Variants in MED8 observed in about 807,000 individuals in gnomAD.
MED8 encodes the protein mediator complex subunit 8.
Under a neutral mutation model 34.8 loss-of-function variants are expected in MED8, and 22 were observed. The observed-to-expected ratio is 0.63, with a 90% CI of 0.45 to 0.90. The LOEUF (loss-of-function observed/expected upper bound fraction) is 0.90, where lower values mean the gene tolerates loss of function less well. Among genes scored for constraint, MED8 ranks in the 40% least tolerant of loss-of-function variants. The pLI, the probability that MED8 is intolerant of heterozygous loss-of-function variation, is 0.00. For missense variants in MED8, 260 were observed against 326.3 expected, an observed-to-expected ratio of 0.80 and a Z score of 1.57; for synonymous variants, 105 against 120.2, an observed-to-expected ratio of 0.87 and a Z score of 0.83.
chr1:43,387,346 C>CT (rs1379118751), intron 3 of MED8, among the ~76,000 whole-genome samples, 157 bp downstream of exon 3: 1 of 152,188 alleles, frequency 6.6e-6, no homozygotes, highest in African/African-American at 2.4e-5. Flanking sequence ...GTTATTACAG[C>CT]ACTATTTGGG....
rs780318306 is a variant in MED8 at position 43,389,781 on chromosome 1, G to A, written c.-17C>T. 4 of 1,608,892 alleles carry A rather than the reference G, an allele frequency of 2.5e-6. No homozygotes were observed. Among genetic ancestry groups the A allele is most frequent in the African/African-American group, 2.7e-5 (2 of 74,470 alleles). The stretch of plus-strand genomic sequence containing the variant: ...CACCTGCATTGCGGCGGCCGAGGCG[G>A]CTGCCACGATTTCACTTCCGGTTTT... On this transcript the variant is annotated 5_prime_UTR_variant, in exon 1 of 7. Transcript: ENST00000372457.
At position 43,384,653 on chromosome 1, in the gene MED8, A is replaced by G. The variant is rs1309802267; in HGVS notation, c.*389T>C. 12 of 1,479,160 alleles carry G rather than the reference A, an allele frequency of 8.1e-6. 1 individual carries two copies. In the South Asian group the frequency reaches 1.4e-4, roughly 17 times the overall value. 91.6% of individuals were successfully genotyped at this position (1,479,160 alleles called of 1,614,324 possible). A position where few individuals can be genotyped will look rare whatever the true frequency, so the allele number is the denominator to read the frequency against. ...TTGATCTTGTGTCCATCAGCTCACC[A>G]TTGACGTGAGGCAGTATCAGATTAG... On this transcript the variant is annotated 3_prime_UTR_variant, in exon 7 of 7. Coordinates refer to ENST00000372457, the MANE Select transcript of MED8 (RefSeq NM_201542.5).
Position 43,386,002 on chromosome 1 carries a change from G to A in MED8, c.718C>T (p.Gln240Ter), listed in dbSNP as rs765307313. 1 of 1,613,932 alleles carries A rather than the reference G, an allele frequency of 6.2e-7. No homozygotes were observed. The highest frequency in any genetic ancestry group is 1.6e-4 in the Middle Eastern group (1 of 6,062). ...CCTGGTTGACCTGCCTGAGCCATTT[G>A]TACCCCACTGAGCATTGGCTGCTGC... is the stretch of plus-strand genomic sequence containing the variant. ...SQQQPMLSGV[Q>*]MAQAGQPGKM... Residue 240 changes from glutamine to a stop codon, truncating the protein, a stop_gained, in exon 6 of 7, where the codon CAA (glutamine) becomes TAA (stop). Transcript: ENST00000372457. LOFTEE classifies it high-confidence loss of function. The surrounding 1 kb of genome is among the most constrained non-coding windows in gnomAD (Gnocchi z 4.9).
At position 43,386,372 on chromosome 1, in the gene MED8, G is replaced by A; in HGVS notation, c.494-146C>T. 1.8e-6 allele frequency: 2 copies of A among 1,138,456 alleles called. No individual in the cohort carries two copies. Among genetic ancestry groups the A allele is most frequent in the Non-Finnish European group, 1.2e-6 (1 of 821,842 alleles). 70.5% of individuals were successfully genotyped at this position (1,138,456 alleles called of 1,614,324 possible). On this transcript the variant is annotated intron_variant, in intron 5 of 6. Transcript: ENST00000372457. This position sits in a 1 kb window ranked among gnomAD's most constrained non-coding sequence, Gnocchi z 4.9. ...CTCACAGCCCAGAAAAAGAGCCAGA[G>A]GACCCCCAAGCCTATCTCAGAATTC...
intron 2 of MED8, 40 bp downstream of exon 2, chr1:43,388,270 C>A (rs755940909): frequency 2.3e-5 from 36 of 1,595,838 alleles, no homozygotes; most frequent in South Asian, 5.5e-5. Context: ...TAGGCCCCCC[C>A]ACCCATAAGC....
intron 6 of MED8, chr1:43,385,355 G>A: frequency 2.2e-6 from 1 of 462,194 alleles, no homozygotes. Context: ...AGCTAAACCT[G>A]TGTGACTCCC....
Position 43,389,304 on chromosome 1 carries a change from A to C in MED8, c.6+455T>G, listed in dbSNP as rs112136775. 4.9e-3 allele frequency: 852 copies of C among 175,532 alleles called. 8 individuals carry two copies. Among genetic ancestry groups the C allele is most frequent in the African/African-American group, 0.019 (810 of 42,448 alleles). 10.9% of individuals were successfully genotyped at this position (175,532 alleles called of 1,614,324 possible). Reference sequence around the variant, plus strand: ...GGGTTCCACCATGGCCTCTGATTATAAGCTGCTTAGCTTTCAGCCATCGCG... The same window carrying C: ...GGGTTCCACCATGGCCTCTGATTATCAGCTGCTTAGCTTTCAGCCATCGCG... On this transcript the variant is annotated intron_variant, in intron 1 of 6. Coordinates refer to ENST00000372457, the MANE Select transcript of MED8 (RefSeq NM_201542.5).
Position 43,386,715 on chromosome 1 carries a change from G to C in MED8, c.412-45C>G, listed in dbSNP as rs140179951. 2 of 1,592,178 alleles carry C rather than the reference G, an allele frequency of 1.3e-6. No individual in the cohort carries two copies. The highest frequency in any genetic ancestry group is 1.1e-5 in the South Asian group (1 of 88,822). On this transcript the variant is annotated intron_variant, in intron 4 of 6. Coordinates refer to ENST00000372457, the MANE Select transcript of MED8 (RefSeq NM_201542.5). The surrounding 1 kb of genome is among the most constrained non-coding windows in gnomAD (Gnocchi z 4.9). ...GCAGAGATTAGGGTAACTAGGAAAC[G>C]ATATGGAGAAATTTATTCCTTGGGT...
rs944868358 is a variant in MED8, at chr1:43,384,574, A to G, written c.*468T>C. 5 of 1,589,746 alleles carry G rather than the reference A, an allele frequency of 3.1e-6. No homozygotes were observed. The highest frequency in any genetic ancestry group is 4.3e-6 in the Non-Finnish European group (5 of 1,169,180). On this transcript the variant is annotated 3_prime_UTR_variant, in exon 7 of 7. Transcript: ENST00000372457. ...GGGCCTGCAAAAACAGTGTGCCTCT[A>G]AGAACACAGAGGTTGCTACAGTTTC...
In MED8 at chr1:43,384,279, T is replaced by C. The variant is rs776128755; in HGVS notation, c.*763A>G. On this transcript the variant is annotated 3_prime_UTR_variant, in exon 7 of 7. Coordinates refer to ENST00000372457, the MANE Select transcript of MED8 (RefSeq NM_201542.5). The stretch of plus-strand genomic sequence containing the variant: ...ACATGAATCCAGGGGAAGGGGCTTT[T>C]TCGTGTGCTAAGGAAAAACCCTTTC... 5.3e-6 allele frequency: 4 copies of C among 748,474 alleles called. No individual in the cohort carries two copies. The highest frequency in any genetic ancestry group is 6.4e-5 in the East Asian group (2 of 31,452). 46.4% of individuals were successfully genotyped at this position (748,474 alleles called of 1,614,324 possible).
chr1:43,386,693 G>A lies in MED8; in HGVS notation c.412-23C>T, dbSNP rs530066503. 33 of 1,603,370 alleles carry A rather than the reference G, an allele frequency of 2.1e-5. No individual in the cohort carries two copies. In the African/African-American group the frequency reaches 2.4e-4, roughly 12 times the overall value. On this transcript the variant is annotated intron_variant, in intron 4 of 6. Transcript: ENST00000372457. The surrounding 1 kb of genome is among the most constrained non-coding windows in gnomAD (Gnocchi z 4.9). ...CTTCTGTAACACACAAATTTGTGCA[G>A]AGATTAGGGTAACTAGGAAACGATA...
chr1:43,388,270 C>G (rs755940909), intron 2 of MED8, 40 bp downstream of exon 2: 10 of 1,595,838 alleles, frequency 6.3e-6, no homozygotes, highest in South Asian at 3.3e-5. Flanking sequence ...TAGGCCCCCC[C>G]ACCCATAAGC....
intron 6 of MED8, chr1:43,385,729 C>G (rs979630679): frequency 3.7e-6 from 2 of 539,130 alleles, no homozygotes; most frequent in South Asian, 2.1e-5. Flanking sequence ...ATAGTTGACA[C>G]AGAGATGTGA....
In MED8 at chr1:43,389,791, T is replaced by C. The variant is rs1432665310; in HGVS notation, c.-27A>G. ...GCGGCGGCCGAGGCGGCTGCCACGA[T>C]TTCACTTCCGGTTTTCCAGTCAGCA... On this transcript the variant is annotated 5_prime_UTR_variant, in exon 1 of 7. Coordinates refer to ENST00000372457, the MANE Select transcript of MED8 (RefSeq NM_201542.5). 3.1e-6 allele frequency: 5 copies of C among 1,609,272 alleles called. No homozygotes were observed. Among genetic ancestry groups the C allele is most frequent in the East Asian group, 2.3e-5 (1 of 44,340 alleles).
intron 6 of MED8, 49 bp from the exon 7 acceptor site, chr1:43,385,155 G>A: frequency 6.5e-7 from 1 of 1,545,496 alleles, no homozygotes; most frequent in Non-Finnish European, 8.7e-7. Flanking sequence ...AGACTTTCAT[G>A]ACAAATCAGA....
At position 43,384,490 on chromosome 1, in the gene MED8, C is replaced by A; in HGVS notation, c.*552G>T. The A allele has an allele frequency of 6.2e-7, 1 of 1,610,630 alleles. No homozygotes were observed. The highest frequency in any genetic ancestry group is 8.5e-7 in the Non-Finnish European group (1 of 1,178,476). ...GTGGGCATTTTTTTTTCCTTCCTGG[C>A]CCAGAAGCTTCTTCACCTTGCGCCT... is the stretch of plus-strand genomic sequence containing the variant. On this transcript the variant is annotated 3_prime_UTR_variant, in exon 7 of 7. Coordinates refer to ENST00000372457, the MANE Select transcript of MED8 (RefSeq NM_201542.5).
At position 43,389,780 on chromosome 1, in the gene MED8, G is replaced by T. The variant is rs368919830; in HGVS notation, c.-16C>A. 4 of 1,609,160 alleles carry T rather than the reference G, an allele frequency of 2.5e-6. No individual in the cohort carries two copies. Among genetic ancestry groups the T allele is most frequent in the Non-Finnish European group, 2.5e-6 (3 of 1,177,948 alleles). On this transcript the variant is annotated 5_prime_UTR_variant, in exon 1 of 7. Coordinates refer to ENST00000372457, the MANE Select transcript of MED8 (RefSeq NM_201542.5). The stretch of plus-strand genomic sequence containing the variant: ...TCACCTGCATTGCGGCGGCCGAGGC[G>T]GCTGCCACGATTTCACTTCCGGTTT...
rs765501940 is a variant in MED8, at chr1:43,389,768, G to T, written c.-4C>A. ...CCAACGCAACTCTCACCTGCATTGCGGCGGCCGAGGCGGCTGCCACGATTT... is the reference window on the plus strand; with the variant it reads ...CCAACGCAACTCTCACCTGCATTGCTGCGGCCGAGGCGGCTGCCACGATTT... On this transcript the variant is annotated 5_prime_UTR_variant, in exon 1 of 7. Transcript: ENST00000372457. 3.2e-5 allele frequency: 52 copies of T among 1,608,222 alleles called. No individual in the cohort carries two copies. Among genetic ancestry groups the T allele is most frequent in the Non-Finnish European group, 4.1e-5 (48 of 1,177,716 alleles).
Position 43,384,788 on chromosome 1 carries a change from C to T in MED8, c.*254G>A. The T allele has an allele frequency of 7.1e-7, 1 of 1,405,912 alleles. No homozygotes were observed. Among genetic ancestry groups the T allele is most frequent in the Non-Finnish European group, 9.3e-7 (1 of 1,078,786 alleles). The allele number at this position is 1,405,912 out of a possible 1,614,324, so 87.1% of individuals were successfully genotyped here. The stretch of plus-strand genomic sequence containing the variant: ...TATACTGTACTAAGTGCTTTACATT[C>T]ATTTCCTCATTTTAATCCTCACAAC... On this transcript the variant is annotated 3_prime_UTR_variant, in exon 7 of 7. Coordinates refer to ENST00000372457, the MANE Select transcript of MED8 (RefSeq NM_201542.5).
Sources: gnomAD v4.1 joint callset for allele counts (sites outside exome capture counted in the v4.1 genomes callset) on GRCh38, gnomAD v4.1.1 for gene constraint, Gnocchi (gnomAD v3.1) non-coding constraint, MANE v1.5 for transcripts, NCBI Gene and HGNC (gene_info 2026-07-23, HGNC 2026-07-21) for gene names.